Variants in GSAP observed in about 807,000 individuals in gnomAD.
GSAP encodes gamma-secretase activating protein, also known as gamma-secretase-activating protein.
In GSAP, 118 loss-of-function variants were observed where a neutral mutation model predicts 131.7. The ratio of observed to expected loss-of-function variants is 0.90; its 90% CI spans 0.77 to 1.04. GSAP has a LOEUF of 1.04. Ranked by LOEUF, GSAP falls within the 50% of genes least tolerant of loss-of-function variation. The pLI is 0.00. For missense variants in GSAP, 1,019 were observed against 1,013.2 expected, an observed-to-expected ratio of 1.01 and a Z score of -0.08; for synonymous variants, 381 against 363.4, an observed-to-expected ratio of 1.05 and a Z score of -0.55.
intron 8 of GSAP, among the ~76,000 whole-genome samples, chr7:77,379,132 T>G (rs1406763886): frequency 1.3e-5 from 2 of 152,070 alleles, no homozygotes; most frequent in Non-Finnish European, 2.9e-5. Context: ...TTTCTGAAAT[T>G]TGTTGAGTTG....
chr7:77,382,548 C>T (rs1311035811), intron 7 of GSAP, 26 bp downstream of exon 7: 1 of 1,229,930 alleles, frequency 8.1e-7, no homozygotes, highest in Admixed American at 1.7e-5. Context: ...ATGAAATTCC[C>T]ATATTCCACC....
chr7:77,361,238 G>C (rs979846441), intron 13 of GSAP, among the ~76,000 whole-genome samples: 2 of 152,158 alleles, frequency 1.3e-5, no homozygotes, highest in Admixed American at 6.6e-5. Context: ...ATTCCTCAAG[G>C]CTCACCGCCA....
At chr7:77,330,074 C>T in intron 20 of GSAP, 165 bp downstream of exon 20, 1 of 741,066 alleles carries the variant, frequency 1.3e-6, no homozygotes, top group Non-Finnish European at 2.0e-6. Context: ...GAACAGAGAT[C>T]ATAGAAGCAT....
At chr7:77,389,917 C>T (rs566103344) in intron 5 of GSAP, among the ~76,000 whole-genome samples, 4,447 of 152,234 alleles carry the variant, frequency 0.029, 216 homozygotes, top group African/African-American at 0.1. Context: ...GAAAGTGTTC[C>T]TATTTCTCCA....
intron 14 of GSAP, among the ~76,000 whole-genome samples, chr7:77,358,094 A>G (rs746069199): frequency 6.6e-6 from 1 of 152,164 alleles, no homozygotes; most frequent in African/African-American, 2.4e-5. Flanking sequence ...TAATCCCAGC[A>G]CTTTGGGAGG....
At chr7:77,316,650 C>G (rs573541229) in intron 26 of GSAP, among the ~76,000 whole-genome samples, 22 of 152,300 alleles carry the variant, frequency 1.4e-4, no homozygotes, top group African/African-American at 4.8e-4. Context: ...TATTGATTTT[C>G]TGGATTCAAA....
intron 16 of GSAP, among the ~76,000 whole-genome samples, chr7:77,354,565 T>C (rs1173788644): frequency 6.6e-6 from 1 of 152,182 alleles, no homozygotes; most frequent in East Asian, 1.9e-4. Flanking sequence ...CTTTTATGCA[T>C]GAAAAATGAT....
intron 19 of GSAP, among the ~76,000 whole-genome samples, chr7:77,346,848 C>T (rs1584399919): frequency 6.8e-6 from 1 of 146,628 alleles, no homozygotes; most frequent in Non-Finnish European, 1.5e-5. Flanking sequence ...TTTTAGGCTT[C>T]GGGACCAGGA....
chr7:77,349,315 T>C, intron 19 of GSAP, 36 bp downstream of exon 19: 2 of 1,466,810 alleles, frequency 1.4e-6, no homozygotes. Flanking sequence ...TTTAGTCATG[T>C]ATCTGTACTT....
At chr7:77,390,129 GTTGT>G (rs1188503352) in intron 5 of GSAP, among the ~76,000 whole-genome samples, 6 of 152,128 alleles carry the variant, frequency 3.9e-5, no homozygotes, top group Non-Finnish European at 7.3e-5. Context: ...TTTTGATGGG[GTTGT>G]TTGTTTTCTC....
At chr7:77,367,359 CTAT>C (rs1795479835) in intron 12 of GSAP, among the ~76,000 whole-genome samples, 1 of 152,066 alleles carries the variant, frequency 6.6e-6, no homozygotes, top group South Asian at 2.1e-4. Flanking sequence ...TCATAGATGG[CTAT>C]TATTTTGAGG....
rs1787950189 is a variant in GSAP at position 77,323,662 on chromosome 7, G to T, written c.1908C>A (p.Asp636Glu). The change falls in exon 24 of 31, where the codon GAC becomes GAA. Residue 636 changes from aspartate to glutamate, a missense_variant. Coordinates refer to ENST00000257626, the MANE Select transcript of GSAP (RefSeq NM_017439.4). ...CAAGACCAACCAGTTTTGAAATGTAGTCCAGAACCATCTGTTCAATTTTCT... is the reference window on the plus strand; with the variant it reads ...CAAGACCAACCAGTTTTGAAATGTATTCCAGAACCATCTGTTCAATTTTCT... ...EKKKIEQMVL[D>E]YISKLLDLIC... 1.3e-6 allele frequency: 2 copies of T among 1,594,514 alleles called. No homozygotes were observed. Among genetic ancestry groups the T allele is most frequent in the Non-Finnish European group, 8.6e-7 (1 of 1,163,760 alleles).
chr7:77,363,811 T>G (rs1192311278), intron 12 of GSAP, among the ~76,000 whole-genome samples: 2 of 152,188 alleles, frequency 1.3e-5, no homozygotes, highest in Non-Finnish European at 1.5e-5. Flanking sequence ...GTAAAATGAC[T>G]GTTACGGTTA....
Position 77,352,933 on chromosome 7 carries a change from T to G in GSAP, c.1491+11A>C, listed in dbSNP as rs375329382. ...TTTTATTTGCATACAGCATACACAG[T>G]GTTAACTTACTGTATTCCAAGTGAG... On this transcript the variant is annotated intron_variant, in intron 18 of 30. Coordinates refer to ENST00000257626, the MANE Select transcript of GSAP (RefSeq NM_017439.4). 1.3e-5 allele frequency: 20 copies of G among 1,491,406 alleles called. No individual in the cohort carries two copies. The highest frequency in any genetic ancestry group is 1.9e-5 in the Non-Finnish European group (20 of 1,068,550). The allele number at this position is 1,491,406 out of a possible 1,614,324, so 92.4% of individuals were successfully genotyped here. A position where few individuals can be genotyped will look rare whatever the true frequency, so the allele number is the denominator to read the frequency against.
At chr7:77,329,413 A>G (rs10274222) in intron 20 of GSAP, 22 bp from the exon 21 acceptor site, 1,348,717 of 1,476,668 alleles carry the variant, frequency 0.91, 616,817 homozygotes, top group East Asian at 1. Flanking sequence ...AACACGTCAG[A>G]AATGTGGAAG....
chr7:77,415,447 T>G (rs9641219), intron 1 of GSAP: 60,986 of 152,174 alleles, frequency 0.4, 13,078 homozygotes, highest in East Asian at 0.69. Context: ...ATCACAAAGT[T>G]CCCCTTCTTT....
At chr7:77,311,750 G>A (rs1275869794) in intron 30 of GSAP, 91 bp downstream of exon 30, 4 of 710,486 alleles carry the variant, frequency 5.6e-6, no homozygotes, top group African/African-American at 5.3e-5. Flanking sequence ...ATGTTAAAAG[G>A]ATTTTGGAAA....
At chr7:77,377,237 T>TAAAAAAAACCAAAAAAAAAAAA (rs1797040449) in intron 9 of GSAP, 49 bp downstream of exon 9, 1 of 777,390 alleles carries the variant, frequency 1.3e-6, no homozygotes, top group Non-Finnish European at 1.6e-6. Flanking sequence ...AATATTTTTG[T>TAAAAAAAACCAAAAAAAAAAAA]AAAAAAAAAA....
chr7:77,329,689 T>G, intron 20 of GSAP: 2 of 202,454 alleles, frequency 9.9e-6, no homozygotes, highest in East Asian at 1.1e-4. Context: ...TGCTTATATC[T>G]TACCTAACTA....
Sources: gnomAD v4.1 joint callset for allele counts (sites outside exome capture counted in the v4.1 genomes callset) on GRCh38, gnomAD v4.1.1 for gene constraint, MANE v1.5 for transcripts, NCBI Gene and HGNC (gene_info 2026-07-23, HGNC 2026-07-21) for gene names.